NRP1: variants seen among roughly 807,000 people sequenced by gnomAD.
NRP1 encodes the protein neuropilin 1.
In NRP1, 35 loss-of-function variants were observed where a neutral mutation model predicts 106.7. The observed-to-expected ratio is 0.33, with a 90% CI of 0.25 to 0.43. The LOEUF is 0.43. Ranked by LOEUF, NRP1 falls within the 20% of genes least tolerant of loss-of-function variation. The probability of loss-of-function intolerance (pLI) is 1.00; values close to 1 mark genes in which losing one functional copy is unlikely to be tolerated. For synonymous variants in NRP1, 437 were observed against 417.9 expected, an observed-to-expected ratio of 1.05 and a Z score of -0.56; for missense variants, 1,024 against 1,170.4, an observed-to-expected ratio of 0.87 and a Z score of 1.83.
intron 12 of NRP1, among the ~76,000 whole-genome samples, chr10:33,193,607 C>T (rs1240559214): frequency 1.3e-5 from 2 of 152,194 alleles, no homozygotes; most frequent in African/African-American, 2.4e-5. Context: ...AAAAGAATCC[C>T]TATGAACAAT....
intron 12 of NRP1, among the ~76,000 whole-genome samples, chr10:33,193,416 G>A (rs1231852116): frequency 6.6e-6 from 1 of 152,200 alleles, no homozygotes; most frequent in Non-Finnish European, 1.5e-5. Context: ...AAATTCTCGG[G>A]CTTCTGCCCC....
chr10:33,319,235 T>C (rs946059445), intron 2 of NRP1, among the ~76,000 whole-genome samples: 1 of 151,922 alleles, frequency 6.6e-6, no homozygotes, highest in African/African-American at 2.4e-5. Context: ...CTTTATCTCC[T>C]GACCTCGTGA....
chr10:33,264,526 A>T (rs139114433), intron 3 of NRP1, among the ~76,000 whole-genome samples: 9 of 152,358 alleles, frequency 5.9e-5, no homozygotes, highest in African/African-American at 2.2e-4. Flanking sequence ...CCTGATATCA[A>T]TGCTGACATC....
intron 9 of NRP1, among the ~76,000 whole-genome samples, chr10:33,208,899 C>CTTTTTT (rs11310131): frequency 2.9e-4 from 25 of 85,272 alleles, no homozygotes; most frequent in African/African-American, 3.3e-4. Flanking sequence ...TTAGAGCAGC[C>CTTTTTT]TTTTTTTTTT....
chr10:33,305,147 T>C (rs1438962475), intron 2 of NRP1, among the ~76,000 whole-genome samples: 1 of 152,252 alleles, frequency 6.6e-6, no homozygotes, highest in Non-Finnish European at 1.5e-5. Flanking sequence ...GAAGATCTGC[T>C]ATCATATATT....
At chr10:33,217,502 C>T (rs959205040) in intron 8 of NRP1, among the ~76,000 whole-genome samples, 8 of 152,154 alleles carry the variant, frequency 5.3e-5, no homozygotes, top group Admixed American at 6.6e-5. Context: ...GAGATGCTAG[C>T]GTTTAACTCT....
intron 12 of NRP1, among the ~76,000 whole-genome samples, chr10:33,197,234 A>G (rs1448989674): frequency 6.6e-6 from 1 of 152,136 alleles, no homozygotes; most frequent in Non-Finnish European, 1.5e-5. Context: ...CTGTTGTAAA[A>G]CTGCCAACTC....
intron 13 of NRP1, among the ~76,000 whole-genome samples, chr10:33,191,426 T>C (rs1465545329): frequency 6.6e-6 from 1 of 152,206 alleles, no homozygotes; most frequent in Non-Finnish European, 1.5e-5. Flanking sequence ...CCACACCGTC[T>C]TTCCCCACCT....
At chr10:33,326,908 A>G (rs117660056) in intron 2 of NRP1, among the ~76,000 whole-genome samples, 2,114 of 152,332 alleles carry the variant, frequency 0.014, 138 homozygotes, top group Admixed American at 0.12. Context: ...TGTTAAGATT[A>G]TGAAATGATG....
chr10:33,188,745 C>T (rs142743142), intron 13 of NRP1, among the ~76,000 whole-genome samples: 4 of 151,112 alleles, frequency 2.6e-5, no homozygotes, highest in East Asian at 3.9e-4. Context: ...GGCGTGGTGG[C>T]GGGCATCTGT....
intron 2 of NRP1, among the ~76,000 whole-genome samples, chr10:33,293,445 G>A (rs962930913): frequency 2.0e-5 from 3 of 152,114 alleles, no homozygotes; most frequent in African/African-American, 7.2e-5. Flanking sequence ...ATTTCATTGT[G>A]CCAGAAACAA....
intron 6 of NRP1, among the ~76,000 whole-genome samples, chr10:33,228,381 A>G (rs1839843290): frequency 6.6e-6 from 1 of 152,210 alleles, no homozygotes; most frequent in African/African-American, 2.4e-5. Context: ...GACTCGAAAA[A>G]TAAAATAAAA....
At chr10:33,225,928 T>A (rs920974272) in intron 7 of NRP1, among the ~76,000 whole-genome samples, 1 of 152,218 alleles carries the variant, frequency 6.6e-6, no homozygotes, top group African/African-American at 2.4e-5. Context: ...TTGACTTTTT[T>A]TGGAAACATT....
At chr10:33,305,309 G>A (rs924150719) in intron 2 of NRP1, among the ~76,000 whole-genome samples, 10 of 152,130 alleles carry the variant, frequency 6.6e-5, no homozygotes, top group African/African-American at 1.9e-4. Flanking sequence ...GATGCATGTT[G>A]GAAACCTTTT....
rs377308108 is a variant in NRP1, at chr10:33,249,750, T to C, written c.981+4278A>G. Among the ~76,000 whole-genome samples the C allele has an allele frequency of 4.6e-5, 7 of 152,198 alleles. No homozygotes were observed. In the South Asian group the frequency reaches 1.4e-3, roughly 31 times the overall value. On this transcript the variant is annotated intron_variant, in intron 6 of 16. Transcript: ENST00000374867. ...ATGAAGTGGCTTTTTGAGCAGGATA[T>C]GGCTGTGTGCAAACCTTCACATTGG...
At position 33,177,814 on chromosome 10, in the gene NRP1, T is replaced by A. The variant is rs541561040; in HGVS notation, c.*2262A>T. 3.3e-5 allele frequency: 5 copies of A among 152,412 alleles called. No homozygotes were observed. In the East Asian group the frequency reaches 9.6e-4, roughly 29 times the overall value. 9.4% of individuals were successfully genotyped at this position (152,412 alleles called of 1,614,324 possible). ...TTTATAGATTTCCATAAAGAAAAAATATGTTATTTTACACCTTTAAAAATT... is the reference window on the plus strand; with the variant it reads ...TTTATAGATTTCCATAAAGAAAAAAAATGTTATTTTACACCTTTAAAAATT... On this transcript the variant is annotated 3_prime_UTR_variant, in exon 17 of 17. Coordinates refer to ENST00000374867, the MANE Select transcript of NRP1 (RefSeq NM_003873.7).
chr10:33,210,599 T>C (rs1005716369), intron 9 of NRP1, among the ~76,000 whole-genome samples: 2 of 152,244 alleles, frequency 1.3e-5, no homozygotes, highest in Non-Finnish European at 2.9e-5. Context: ...AATTATGTTT[T>C]AGAAGATGAG....
At chr10:33,296,993 GA>G (rs894648460) in intron 2 of NRP1, among the ~76,000 whole-genome samples, 12 of 144,582 alleles carry the variant, frequency 8.3e-5, no homozygotes, top group East Asian at 4.0e-4. Flanking sequence ...CGTGCCAAAA[GA>G]AAAAAAAAAG....
chr10:33,320,799 T>C (rs1847447422), intron 2 of NRP1, among the ~76,000 whole-genome samples: 1 of 152,164 alleles, frequency 6.6e-6, no homozygotes, highest in Non-Finnish European at 1.5e-5. Context: ...AAGTAAGACA[T>C]GGTTTTTGTC....
Sources: gnomAD v4.1 joint callset for allele counts (sites outside exome capture counted in the v4.1 genomes callset) on GRCh38, gnomAD v4.1.1 for gene constraint, MANE v1.5 for transcripts, NCBI Gene and HGNC (gene_info 2026-07-23, HGNC 2026-07-21) for gene names.